The following SLC41A3 variants were observed in gnomAD, a reference collection of about 807,000 sequenced individuals.
SLC41A3 encodes solute carrier family 41 member 3, also known as SLC41A1-like 2.
In SLC41A3, 44 loss-of-function variants were observed where a neutral mutation model predicts 45.4. The observed-to-expected ratio is 0.97, with a 90% CI of 0.76 to 1.25. The LOEUF (loss-of-function observed/expected upper bound fraction) is 1.25. SLC41A3 is among the 50% of genes most tolerant of loss of function. SLC41A3 has a pLI of 0.00. For synonymous variants in SLC41A3, 256 were observed against 252.4 expected, an observed-to-expected ratio of 1.01 and a Z score of -0.13; for missense variants, 550 against 600.6, an observed-to-expected ratio of 0.92 and a Z score of 0.88.
chr3:126,091,578 T>A (rs1211534124), intron 1 of SLC41A3, among the ~76,000 whole-genome samples: 1 of 152,110 alleles, frequency 6.6e-6, no homozygotes, highest in African/African-American at 2.4e-5. Context: ...CAAGGTTTTT[T>A]TATGCAGATG....
In SLC41A3 at chr3:126,012,730, C is replaced by G; in HGVS notation, c.990G>C (p.Val330=). The G allele has an allele frequency of 2.5e-6, 4 of 1,614,216 alleles. No homozygotes were observed. The highest frequency in any genetic ancestry group is 3.4e-6 in the Non-Finnish European group (4 of 1,180,030). The part of the protein sequence containing the change: ...PVICGVGGNL[V]AIQTSRISTY... ...TTGAGATTCGGCTGGTCTGAATGGC[C>G]ACCAGATTGCCACCAACACCTACGA... Residue 330 remains valine, a synonymous_variant, in exon 9 of 11, where the codon GTG becomes GTC. Transcript: ENST00000360370.
chr3:126,069,050 A>G (rs184392917), intron 1 of SLC41A3, among the ~76,000 whole-genome samples: 44 of 151,404 alleles, frequency 2.9e-4, no homozygotes, highest in Middle Eastern at 3.4e-3. Context: ...AAATTCCCGC[A>G]CACTCTGGGC....
chr3:126,027,954 C>T (rs1038510065), intron 4 of SLC41A3, among the ~76,000 whole-genome samples: 1 of 152,146 alleles, frequency 6.6e-6, no homozygotes, highest in Non-Finnish European at 1.5e-5. Flanking sequence ...GCAAAACATT[C>T]AAGATATGAA....
chr3:126,054,919 G>A (rs1168187478), intron 2 of SLC41A3, among the ~76,000 whole-genome samples: 1 of 152,108 alleles, frequency 6.6e-6, no homozygotes, highest in Non-Finnish European at 1.5e-5. Flanking sequence ...GCCCACAGAA[G>A]CACAGGCTTT....
At chr3:126,088,634 G>A (rs904710470), upstream of SLC41A3, among the ~76,000 whole-genome samples, 1 of 152,046 alleles carries the variant, frequency 6.6e-6, no homozygotes, top group Non-Finnish European at 1.5e-5. Context: ...GAACAATTAA[G>A]CCAGAGCAAC....
intron 6 of SLC41A3, among the ~76,000 whole-genome samples, chr3:126,018,406 C>T (rs1940523550): frequency 6.6e-6 from 1 of 152,214 alleles, no homozygotes; most frequent in Admixed American, 6.5e-5. Flanking sequence ...TTCTTTCTTA[C>T]AGATCTCCCT....
intron 3 of SLC41A3, among the ~76,000 whole-genome samples, chr3:126,044,810 G>A (rs1942841350): frequency 6.8e-6 from 1 of 146,342 alleles, no homozygotes; most frequent in African/African-American, 2.6e-5. Flanking sequence ...GCAGAAGAAT[G>A]GCGTGAACCC....
At chr3:126,027,715 A>G (rs1941477556) in intron 4 of SLC41A3, among the ~76,000 whole-genome samples, 1 of 152,168 alleles carries the variant, frequency 6.6e-6, no homozygotes, top group African/African-American at 2.4e-5. Flanking sequence ...CTTCCTCAAG[A>G]CTTGTTAAAT....
At chr3:126,067,606 T>C (rs1352065755) in intron 2 of SLC41A3, 1 of 473,720 alleles carries the variant, frequency 2.1e-6, no homozygotes, top group East Asian at 6.5e-5. Context: ...AATAAATGTC[T>C]GTTGTTGAAG....
intron 1 of SLC41A3, among the ~76,000 whole-genome samples, chr3:126,097,483 C>T (rs910678735): frequency 1.3e-5 from 2 of 152,194 alleles, no homozygotes; most frequent in African/African-American, 4.8e-5. Flanking sequence ...AGGGGGAGCC[C>T]TATCCTACCC....
chr3:126,100,817 A>T (rs1373911401), intron 1 of SLC41A3, among the ~76,000 whole-genome samples: 1 of 152,168 alleles, frequency 6.6e-6, no homozygotes, highest in Non-Finnish European at 1.5e-5. Flanking sequence ...ATGCAGTTTC[A>T]CAGCCTGCAG....
Position 126,033,687 on chromosome 3 carries a change from A to C in SLC41A3, c.382-9T>G. 6.2e-7 allele frequency: 1 copy of C among 1,611,876 alleles called. No individual in the cohort carries two copies. Among genetic ancestry groups the C allele is most frequent in the Non-Finnish European group, 8.5e-7 (1 of 1,179,458 alleles). ...ATTTGTCCAGTGTTGGCCTAGAATG[A>C]AGAGAAAAGGACAAAGGTAGGACTG... On this transcript the variant is annotated splice_polypyrimidine_tract_variant and intron_variant, in intron 3 of 10. Coordinates refer to ENST00000360370, the MANE Select transcript of SLC41A3 (RefSeq NM_017836.4).
intron 5 of SLC41A3, chr3:126,023,582 G>C (rs1941093271): frequency 6.5e-6 from 1 of 152,804 alleles, no homozygotes; most frequent in African/African-American, 2.4e-5. Flanking sequence ...TGTCTCCCAG[G>C]AACAGTCCTG....
At chr3:126,043,691 T>C (rs1942743424) in intron 3 of SLC41A3, among the ~76,000 whole-genome samples, 1 of 151,720 alleles carries the variant, frequency 6.6e-6, no homozygotes, top group South Asian at 2.1e-4. Flanking sequence ...CAGTTTAAGG[T>C]AAATTGTAAT....
chr3:126,017,188 T>C (rs1431138074), intron 6 of SLC41A3, among the ~76,000 whole-genome samples: 1 of 152,252 alleles, frequency 6.6e-6, no homozygotes, highest in Non-Finnish European at 1.5e-5. Context: ...AAGTACAATG[T>C]ATGGAATGCA....
intron 6 of SLC41A3, among the ~76,000 whole-genome samples, chr3:126,017,993 C>T (rs986447599): frequency 6.6e-6 from 1 of 152,164 alleles, no homozygotes; most frequent in African/African-American, 2.4e-5. Flanking sequence ...TCTGAGTTTT[C>T]AGTTAGCTAC....
At position 126,008,105 on chromosome 3, in the gene SLC41A3, G is replaced by A. The variant is rs560372852; in HGVS notation, c.1254+627C>T. Among the ~76,000 whole-genome samples, 47 of 152,346 alleles carry A rather than the reference G, an allele frequency of 3.1e-4. No homozygotes were observed. In the South Asian group the frequency reaches 8.1e-3, roughly 26 times the overall value. On this transcript the variant is annotated intron_variant, in intron 10 of 10. Transcript: ENST00000360370. ...GCTGGACCACTCCTCAGCCTGTTCC[G>A]TGGGAACATGCTTCATCCTCAGGGC...
At chr3:126,081,157 A>C (rs1243639599) in intron 1 of SLC41A3, among the ~76,000 whole-genome samples, 2 of 152,226 alleles carry the variant, frequency 1.3e-5, no homozygotes, top group Admixed American at 6.5e-5. Context: ...GTACATATAC[A>C]CAATGGAGTA....
chr3:126,044,215 T>C (rs1465283496), intron 3 of SLC41A3, among the ~76,000 whole-genome samples: 1 of 152,200 alleles, frequency 6.6e-6, no homozygotes, highest in East Asian at 1.9e-4. Context: ...AAAGACATTA[T>C]GCAATGATAC....
Sources: gnomAD v4.1 joint callset for allele counts (sites outside exome capture counted in the v4.1 genomes callset) on GRCh38, gnomAD v4.1.1 for gene constraint, MANE v1.5 for transcripts, NCBI Gene and HGNC (gene_info 2026-07-23, HGNC 2026-07-21) for gene names.